Variants in HIVEP3 observed in about 807,000 individuals in gnomAD.
HIVEP3 encodes transcription factor HIVEP3.
In HIVEP3, 49 loss-of-function variants were observed where a neutral mutation model predicts 152.8. That is an observed-to-expected ratio of 0.32 (90% CI 0.26 to 0.41). The LOEUF (loss-of-function observed/expected upper bound fraction) is 0.41, where lower values mean the gene tolerates loss of function less well. Ranked by LOEUF, HIVEP3 falls within the 10% of genes least tolerant of loss-of-function variation. HIVEP3 has a pLI of 1.00. For missense variants in HIVEP3, 2,790 were observed against 3,103.3 expected (o/e 0.90, Z 2.40); for synonymous variants, 1,269 against 1,289.0 (o/e 0.98, Z 0.33).
At chr1:41,681,292 C>CT (rs1159977612) in intron 2 of HIVEP3, among the ~76,000 whole-genome samples, 1 of 152,186 alleles carries the variant, frequency 6.6e-6, no homozygotes, top group Non-Finnish European at 1.5e-5. Context: ...CAGCATCTTG[C>CT]TTTGTTACCC....
At chr1:41,808,614 A>T (rs970452168) in intron 1 of HIVEP3, among the ~76,000 whole-genome samples, 10 of 152,232 alleles carry the variant, frequency 6.6e-5, no homozygotes, top group African/African-American at 2.2e-4. Context: ...CTCCAATTAC[A>T]GCACAAGAGC....
chr1:41,901,952 G>A (rs1405470957), intron 1 of HIVEP3, among the ~76,000 whole-genome samples: 2 of 152,162 alleles, frequency 1.3e-5, no homozygotes, highest in Non-Finnish European at 2.9e-5. Flanking sequence ...CCAGCACCTA[G>A]GAGGATGCTT....
chr1:41,527,799 C>G (rs1643046857), intron 5 of HIVEP3, among the ~76,000 whole-genome samples: 1 of 147,498 alleles, frequency 6.8e-6, no homozygotes, highest in African/African-American at 2.5e-5. Flanking sequence ...TTCTCACACT[C>G]TACACCCTAC....
At chr1:41,958,475 T>A (rs1645151954) in intron 1 of HIVEP3, among the ~76,000 whole-genome samples, 1 of 152,178 alleles carries the variant, frequency 6.6e-6, no homozygotes, top group African/African-American at 2.4e-5. Flanking sequence ...CAGCAAGTCA[T>A]AAGGTCAAGA....
chr1:41,971,197 C>T (rs1273276795), intron 1 of HIVEP3, among the ~76,000 whole-genome samples: 3 of 152,056 alleles, frequency 2.0e-5, no homozygotes. Context: ...AATTTGAAAT[C>T]GAATTTATAA....
At chr1:42,008,640 T>G (rs1645475300) in intron 1 of HIVEP3, among the ~76,000 whole-genome samples, 1 of 152,222 alleles carries the variant, frequency 6.6e-6, no homozygotes, top group African/African-American at 2.4e-5. Flanking sequence ...GTTCTTTTTT[T>G]GGAAAGGCTA....
At chr1:41,823,848 A>T (rs1361325202) in intron 1 of HIVEP3, among the ~76,000 whole-genome samples, 1 of 152,184 alleles carries the variant, frequency 6.6e-6, no homozygotes, top group African/African-American at 2.4e-5. Flanking sequence ...TCATTCCAGG[A>T]GGGCACTAGG....
intron 1 of HIVEP3, among the ~76,000 whole-genome samples, chr1:41,748,095 C>T (rs976446761): frequency 1.3e-5 from 2 of 152,138 alleles, no homozygotes; most frequent in African/African-American, 4.8e-5. Context: ...GTCTTGAGTG[C>T]CTGGTGTGGA....
At chr1:41,724,537 G>A (rs1646724320) in intron 1 of HIVEP3, among the ~76,000 whole-genome samples, 1 of 152,206 alleles carries the variant, frequency 6.6e-6, no homozygotes, top group South Asian at 2.1e-4. Flanking sequence ...TATGCAGGAG[G>A]TTCCTGCACA....
chr1:41,605,806 G>A (rs6660260), intron 3 of HIVEP3, among the ~76,000 whole-genome samples: 2,330 of 152,194 alleles, frequency 0.015, 68 homozygotes, highest in African/African-American at 0.053. Flanking sequence ...TGTTGGGTGT[G>A]CAGAGCATAG....
chr1:41,785,526 A>G lies in HIVEP3; in HGVS notation c.-800-84531T>C, dbSNP rs185828774. The stretch of plus-strand genomic sequence containing the variant: ...TTGACAAGGAATAGTGGTTAAATAA[A>G]TTCTGACAACTCTATAAAATGGAAT... On this transcript the variant is annotated intron_variant, in intron 1 of 8. Transcript: ENST00000372583. Among the ~76,000 whole-genome samples, 15 of 152,354 alleles carry G rather than the reference A, an allele frequency of 9.8e-5. No homozygotes were observed. The East Asian group carries it at 2.5e-3, about 25-fold the overall frequency.
intron 1 of HIVEP3, among the ~76,000 whole-genome samples, chr1:41,787,040 C>T (rs1570537537): frequency 6.6e-6 from 1 of 152,190 alleles, no homozygotes; most frequent in South Asian, 2.1e-4. Flanking sequence ...GGGTGAGCTA[C>T]CACACCCGGC....
intron 1 of HIVEP3, among the ~76,000 whole-genome samples, chr1:41,842,546 C>A (rs1034833841): frequency 1.3e-5 from 2 of 152,136 alleles, no homozygotes; most frequent in Non-Finnish European, 2.9e-5. Flanking sequence ...TTTATCCATG[C>A]CAATCAGGAG....
At chr1:41,757,341 TCTC>T (rs557935550) in intron 1 of HIVEP3, among the ~76,000 whole-genome samples, 1 of 152,012 alleles carries the variant, frequency 6.6e-6, no homozygotes, top group African/African-American at 2.4e-5. Flanking sequence ...ATGGTCTCGA[TCTC>T]CTGACGTCGT....
chr1:41,887,583 T>C (rs187172302), intron 1 of HIVEP3, among the ~76,000 whole-genome samples: 20 of 152,256 alleles, frequency 1.3e-4, no homozygotes, highest in Non-Finnish European at 2.9e-5. Flanking sequence ...AGGGTCAGGG[T>C]GCTAGTGGAG....
At chr1:41,941,351 C>T (rs923850222) in intron 1 of HIVEP3, among the ~76,000 whole-genome samples, 2 of 152,064 alleles carry the variant, frequency 1.3e-5, no homozygotes, top group African/African-American at 2.4e-5. Flanking sequence ...GCCAAGGAGC[C>T]GATCCTAGAG....
chr1:41,565,839 C>T (rs1297361426), intron 5 of HIVEP3, among the ~76,000 whole-genome samples: 1 of 152,090 alleles, frequency 6.6e-6, no homozygotes, highest in Non-Finnish European at 1.5e-5. Context: ...AATTTTAATA[C>T]GAGGCAAAGA....
intron 2 of HIVEP3, among the ~76,000 whole-genome samples, chr1:41,642,325 T>G (rs750452027): frequency 6.6e-6 from 1 of 152,242 alleles, no homozygotes; most frequent in Non-Finnish European, 1.5e-5. Context: ...AACACTCCCC[T>G]GCAAAGCCCC....
At chr1:41,644,168 G>A (rs1645422877) in intron 2 of HIVEP3, among the ~76,000 whole-genome samples, 1 of 152,044 alleles carries the variant, frequency 6.6e-6, no homozygotes, top group Non-Finnish European at 1.5e-5. Flanking sequence ...TTACAGGTGT[G>A]AGCCACCGTG....
Sources: allele counts gnomAD v4.1 joint callset (sites outside exome capture counted in the v4.1 genomes callset), GRCh38; gene constraint gnomAD v4.1.1; transcripts MANE v1.5; gene names NCBI Gene and HGNC (gene_info 2026-07-23, HGNC 2026-07-21).